ATP13A4: variants seen among roughly 807,000 people sequenced by gnomAD.
The protein encoded by ATP13A4 is ATPase 13A4.
ATP13A4 carries 114 observed loss-of-function variants against 142.5 expected under a neutral mutation model. The ratio of observed to expected loss-of-function variants is 0.80; its 90% CI spans 0.69 to 0.93. The LOEUF (loss-of-function observed/expected upper bound fraction) is 0.93, where lower values mean the gene tolerates loss of function less well. Among genes scored for constraint, ATP13A4 ranks in the 40% least tolerant of loss-of-function variants. The pLI is 0.00. For missense variants in ATP13A4, 1,392 were observed against 1,454.0 expected, an observed-to-expected ratio of 0.96 and a Z score of 0.69; for synonymous variants, 488 against 514.8, an observed-to-expected ratio of 0.95 and a Z score of 0.70.
chr3:193,553,976 T>G (rs1159346988), intron 1 of ATP13A4, among the ~76,000 whole-genome samples: 2 of 152,220 alleles, frequency 1.3e-5, no homozygotes, highest in Non-Finnish European at 2.9e-5. Context: ...AGACTATGCT[T>G]ACACAATTAG....
chr3:193,530,955 G>A (rs1722279869), intron 1 of ATP13A4, among the ~76,000 whole-genome samples: 3 of 151,934 alleles, frequency 2.0e-5, no homozygotes. Flanking sequence ...CTTTGCCAAG[G>A]TACATTCAGT....
Position 193,448,336 on chromosome 3 carries a change from A to G in ATP13A4, c.2028-6T>C, listed in dbSNP as rs1413062567. Reference sequence around the variant, plus strand: ...GGTCTGATTCTACCGTCTCCCTGAAAATACATATATAGATGTATTGAACAG... The same window carrying G: ...GGTCTGATTCTACCGTCTCCCTGAAGATACATATATAGATGTATTGAACAG... On this transcript the variant is annotated splice_region_variant and splice_polypyrimidine_tract_variant and intron_variant, in intron 17 of 29. Transcript: ENST00000342695. 6.2e-7 allele frequency: 1 copy of G among 1,613,702 alleles called. No homozygotes were observed. The highest frequency in any genetic ancestry group is 8.5e-7 in the Non-Finnish European group (1 of 1,179,964).
intron 1 of ATP13A4, among the ~76,000 whole-genome samples, chr3:193,533,149 G>A (rs1235529293): frequency 4.6e-5 from 7 of 152,160 alleles, no homozygotes. Flanking sequence ...GAGAGGCCAA[G>A]AGGGAAGATT....
chr3:193,524,338 G>A (rs555974389), intron 1 of ATP13A4, among the ~76,000 whole-genome samples: 9 of 152,308 alleles, frequency 5.9e-5, no homozygotes, highest in African/African-American at 1.7e-4. Flanking sequence ...CCTTAAACCT[G>A]TGGAGACTGA....
intron 1 of ATP13A4, among the ~76,000 whole-genome samples, chr3:193,537,254 T>C (rs958784300): frequency 2.0e-5 from 3 of 152,078 alleles, no homozygotes; most frequent in Non-Finnish European, 2.9e-5. Flanking sequence ...GCACATAGAC[T>C]AATGAAATAG....
chr3:193,494,382 C>T (rs1300591409), intron 3 of ATP13A4, among the ~76,000 whole-genome samples: 1 of 151,864 alleles, frequency 6.6e-6, no homozygotes, highest in East Asian at 1.9e-4. Context: ...CATTAGGTCA[C>T]AAAAAAGTCT....
chr3:193,467,837 T>C (rs1718392551), intron 9 of ATP13A4, among the ~76,000 whole-genome samples: 1 of 152,174 alleles, frequency 6.6e-6, no homozygotes, highest in South Asian at 2.1e-4. Context: ...GTGAGAGCTA[T>C]CTAGGAGCCA....
At chr3:193,577,430 C>T (rs1447268022) in intron 2 of ATP13A4, among the ~76,000 whole-genome samples, 3 of 152,194 alleles carry the variant, frequency 2.0e-5, no homozygotes, top group Non-Finnish European at 2.9e-5. Context: ...CTAAATCTCA[C>T]ATTCATCCTT....
At chr3:193,447,298 G>A (rs1329834453) in intron 18 of ATP13A4, among the ~76,000 whole-genome samples, 1 of 152,102 alleles carries the variant, frequency 6.6e-6, no homozygotes, top group African/African-American at 2.4e-5. Flanking sequence ...TGTTAGAAAG[G>A]GAGAAAGTAA....
chr3:193,511,030 A>C (rs1304986579), intron 2 of ATP13A4, among the ~76,000 whole-genome samples: 1 of 152,244 alleles, frequency 6.6e-6, no homozygotes, highest in African/African-American at 2.4e-5. Context: ...TCAGATAGTA[A>C]GAATGTTTGA....
intron 16 of ATP13A4, among the ~76,000 whole-genome samples, chr3:193,454,556 A>G (rs770672874): frequency 1.8e-4 from 28 of 152,236 alleles, no homozygotes; most frequent in Admixed American, 2.6e-4. Flanking sequence ...ACACCCAGAA[A>G]TAAGACTTTA....
At chr3:193,449,189 C>T (rs1161620791) in intron 17 of ATP13A4, among the ~76,000 whole-genome samples, 1 of 152,186 alleles carries the variant, frequency 6.6e-6, no homozygotes, top group Non-Finnish European at 1.5e-5. Context: ...TAGGTGCAGC[C>T]TTCAAGGCTC....
intron 1 of ATP13A4, among the ~76,000 whole-genome samples, chr3:193,530,812 C>A (rs1560261709): frequency 6.6e-6 from 1 of 152,174 alleles, no homozygotes; most frequent in East Asian, 1.9e-4. Context: ...TAGGCACATA[C>A]TTAAAATCTT....
At chr3:193,478,635 A>C (rs930584627) in intron 8 of ATP13A4, among the ~76,000 whole-genome samples, 1 of 150,980 alleles carries the variant, frequency 6.6e-6, no homozygotes, top group Non-Finnish European at 1.5e-5. Flanking sequence ...AAAAGTTACC[A>C]AGAAAAAAAA....
At chr3:193,427,162 A>G (rs1169406298) in intron 25 of ATP13A4, among the ~76,000 whole-genome samples, 1 of 152,156 alleles carries the variant, frequency 6.6e-6, no homozygotes, top group Non-Finnish European at 1.5e-5. Context: ...TACACCACTA[A>G]CAGAGAAACA....
chr3:193,489,833 A>C lies in ATP13A4; in HGVS notation c.635T>G (p.Phe212Cys). 1 of 1,612,744 alleles carries C rather than the reference A, an allele frequency of 6.2e-7. No individual in the cohort carries two copies. Among genetic ancestry groups the C allele is most frequent in the Non-Finnish European group, 8.5e-7 (1 of 1,178,846 alleles). ...VLNPFYIFQL[F>C]SVCLWFSEDY... ...TTCACTAAACCACAAACAGACACTG[A>C]AGAGTTGAAATATATAAAATGGATT... Residue 212 changes from phenylalanine (F) to cysteine (C), a missense_variant, in exon 7 of 30, where the codon TTC (phenylalanine) becomes TGC (cysteine). Phe to Cys is a radical substitution (Grantham distance 205). Transcript: ENST00000342695.
rs764275820 is a variant in ATP13A4, at chr3:193,412,320, A to G, written c.3066T>C (p.Thr1022=). The change falls in exon 27 of 30, where the codon ACT becomes ACC. Residue 1022 remains threonine (T), a synonymous_variant. Coordinates refer to ENST00000342695, the MANE Select transcript of ATP13A4 (RefSeq NM_032279.4). Reference sequence around the variant, plus strand: ...TATTACTTTCCATTTTTTCTGGAGCAGTTGGAGACATGGTTAACTCTGAGA... The same window carrying G: ...TATTACTTTCCATTTTTTCTGGAGCGGTTGGAGACATGGTTAACTCTGAGA... ...ESISELTMSP[T]APEKMESNST... is the part of the protein sequence containing the mutation. The G allele has an allele frequency of 6.2e-7, 1 of 1,614,184 alleles. No individual in the cohort carries two copies. The highest frequency in any genetic ancestry group is 8.5e-7 in the Non-Finnish European group (1 of 1,180,014).
At chr3:193,482,860 T>C (rs1307479182) in intron 8 of ATP13A4, among the ~76,000 whole-genome samples, 1 of 152,194 alleles carries the variant, frequency 6.6e-6, no homozygotes, top group Non-Finnish European at 1.5e-5. Context: ...TAAATATCTA[T>C]CTAGTACATG....
intron 2 of ATP13A4, among the ~76,000 whole-genome samples, chr3:193,507,186 A>C (rs577015968): frequency 1.3e-5 from 2 of 152,320 alleles, no homozygotes; most frequent in South Asian, 4.1e-4. Flanking sequence ...ATACATTGCA[A>C]TGCTAAAAGG....
Sources: gnomAD v4.1 joint callset for allele counts (sites outside exome capture counted in the v4.1 genomes callset) on GRCh38, gnomAD v4.1.1 for gene constraint, MANE v1.5 for transcripts, NCBI Gene and HGNC (gene_info 2026-07-23, HGNC 2026-07-21) for gene names.